The following CACNA2D3 variants were observed in gnomAD, a reference collection of about 807,000 sequenced individuals.
The protein encoded by CACNA2D3 is calcium voltage-gated channel auxiliary subunit alpha2delta 3, also known as voltage-dependent calcium channel subunit alpha-2/delta-3.
Under a neutral mutation model 160.6 loss-of-function variants are expected in CACNA2D3, and 60 were observed. The ratio of observed to expected loss-of-function variants is 0.37; its 90% CI spans 0.30 to 0.46. The LOEUF is 0.46. CACNA2D3 is among the 20% of genes least tolerant of loss of function. The probability of loss-of-function intolerance (pLI) is 1.00; values close to 1 mark genes in which losing one functional copy is unlikely to be tolerated. For synonymous variants in CACNA2D3, 558 were observed against 492.9 expected (o/e 1.13, Z -1.75); for missense variants, 1,205 against 1,365.0 (o/e 0.88, Z 1.85).
intron 24 of CACNA2D3, among the ~76,000 whole-genome samples, chr3:54,888,545 C>A (rs887186650): frequency 5.1e-4 from 78 of 152,130 alleles, no homozygotes; most frequent in African/African-American, 1.8e-3. Context: ...ATGAGAACTG[C>A]TTTAGCAGCT....
intron 14 of CACNA2D3, among the ~76,000 whole-genome samples, chr3:54,817,954 TA>T (rs1703494280): frequency 6.6e-6 from 1 of 152,198 alleles, no homozygotes; most frequent in East Asian, 1.9e-4. Context: ...CCAGGGTAAA[TA>T]AATGGTCAGA....
At chr3:54,260,522 G>A (rs1013655776) in intron 2 of CACNA2D3, among the ~76,000 whole-genome samples, 8 of 152,128 alleles carry the variant, frequency 5.3e-5, no homozygotes, top group South Asian at 4.2e-4. Flanking sequence ...TGAAGGTCCC[G>A]TCTTGATGAC....
In CACNA2D3 at chr3:54,460,522, A is replaced by T. The variant is rs148025910; in HGVS notation, c.382-42970A>T. Reference sequence around the variant, plus strand: ...TCTAAGTTGGAATCCTAGGTATTTTATTCTCTTTGAAGCAATTGTGAATGG... The same window carrying T: ...TCTAAGTTGGAATCCTAGGTATTTTTTTCTCTTTGAAGCAATTGTGAATGG... On this transcript the variant is annotated intron_variant, in intron 4 of 37. Transcript: ENST00000474759. Among the ~76,000 whole-genome samples the T allele has an allele frequency of 7.6e-3, 1,151 of 152,234 alleles. 12 individuals carry two copies. Among genetic ancestry groups the T allele is most frequent in the African/African-American group, 0.025 (1,048 of 41,542 alleles).
chr3:54,695,505 C>T (rs1029041152), intron 11 of CACNA2D3, among the ~76,000 whole-genome samples: 5 of 151,684 alleles, frequency 3.3e-5, no homozygotes, highest in Non-Finnish European at 7.4e-5. Flanking sequence ...GCTATGGATA[C>T]CTGTTTGCAA....
intron 5 of CACNA2D3, among the ~76,000 whole-genome samples, chr3:54,510,236 G>T (rs1273723011): frequency 6.6e-6 from 1 of 151,974 alleles, no homozygotes; most frequent in Non-Finnish European, 1.5e-5. Context: ...ATGGATGGAT[G>T]AATGGATGAA....
intron 2 of CACNA2D3, among the ~76,000 whole-genome samples, chr3:54,221,378 T>G (rs1281743505): frequency 6.6e-6 from 1 of 152,258 alleles, no homozygotes; most frequent in Non-Finnish European, 1.5e-5. Context: ...CTACTTTGGA[T>G]ATTTAAAGTT....
intron 2 of CACNA2D3, among the ~76,000 whole-genome samples, chr3:54,160,598 A>G (rs955980842): frequency 6.6e-6 from 1 of 152,340 alleles, no homozygotes; most frequent in African/African-American, 2.4e-5. Flanking sequence ...GATTTTTACT[A>G]TTGATCATTT....
chr3:54,234,777 A>G (rs1373603542), intron 2 of CACNA2D3, among the ~76,000 whole-genome samples: 1 of 152,184 alleles, frequency 6.6e-6, no homozygotes, highest in Admixed American at 6.5e-5. Context: ...CAGATACCAC[A>G]TGTTCTCACT....
At chr3:54,253,304 C>G (rs570648117) in intron 2 of CACNA2D3, among the ~76,000 whole-genome samples, 1 of 152,238 alleles carries the variant, frequency 6.6e-6, no homozygotes, top group African/African-American at 2.4e-5. Flanking sequence ...GTTTAATCGG[C>G]TTGTGCTTCT....
At chr3:54,204,796 G>GAAAAAAA (rs57129457) in intron 2 of CACNA2D3, among the ~76,000 whole-genome samples, 128 of 73,974 alleles carry the variant, frequency 1.7e-3, no homozygotes, top group Non-Finnish European at 2.5e-3. Flanking sequence ...ATGCTGTCTT[G>GAAAAAAA]AAAAAAAAAA....
chr3:54,862,315 A>G (rs7642067), intron 17 of CACNA2D3, among the ~76,000 whole-genome samples: 36,321 of 151,844 alleles, frequency 0.24, 5,122 homozygotes, highest in Middle Eastern at 0.33. Flanking sequence ...ATCTTCAACA[A>G]TTTTTAGCAG....
chr3:54,682,055 T>TG (rs1009520101), intron 11 of CACNA2D3, among the ~76,000 whole-genome samples: 2 of 151,676 alleles, frequency 1.3e-5, no homozygotes, highest in African/African-American at 2.4e-5. Context: ...AAAACAAATA[T>TG]GGGGGGGATT....
chr3:54,730,495 TCTTTCTTTCTTTC>T (rs974420481), intron 11 of CACNA2D3, among the ~76,000 whole-genome samples: 3 of 106,730 alleles, frequency 2.8e-5, no homozygotes, highest in African/African-American at 6.1e-5. Flanking sequence ...ACAGAATCTT[TCTTTCTTTCTTTC>T]CTTTCTTTCT....
chr3:54,805,883 C>T (rs1355632542), intron 13 of CACNA2D3, among the ~76,000 whole-genome samples: 1 of 152,138 alleles, frequency 6.6e-6, no homozygotes, highest in Non-Finnish European at 1.5e-5. Context: ...CCCTGGGATG[C>T]AAGGCTGGTT....
chr3:55,035,845 A>G (rs1333628231), intron 35 of CACNA2D3, among the ~76,000 whole-genome samples: 1 of 152,186 alleles, frequency 6.6e-6, no homozygotes, highest in Non-Finnish European at 1.5e-5. Flanking sequence ...CTATGGTTCT[A>G]TATGTTATGT....
rs144185119 is a variant in CACNA2D3 at position 54,822,451 on chromosome 3, G to A, written c.1398+5581G>A. On this transcript the variant is annotated intron_variant, in intron 14 of 37. Transcript: ENST00000474759. ...ATAGTTCTGTATGAGTGTGTCTGTG[G>A]CAGCCCAGACAGGCTGCTCTGCTGC... 8.4e-3 allele frequency among the ~76,000 whole-genome samples: 1,284 copies of A among 152,302 alleles called. 15 individuals are homozygous for A. The highest frequency in any genetic ancestry group is 0.028 in the African/African-American group (1,174 of 41,568).
At chr3:54,918,667 G>T (rs560316166) in intron 27 of CACNA2D3, 1 of 1,614,164 alleles carries the variant, frequency 6.2e-7, no homozygotes, top group South Asian at 1.1e-5. Context: ...GGCCGGCCTT[G>T]GCTTGGGTTT....
intron 3 of CACNA2D3, among the ~76,000 whole-genome samples, chr3:54,334,500 C>T (rs1276652423): frequency 6.6e-6 from 1 of 152,180 alleles, no homozygotes; most frequent in East Asian, 1.9e-4. Flanking sequence ...ACAGTGAGAT[C>T]TGAGGTTAGC....
At chr3:54,290,339 C>G (rs942007575) in intron 2 of CACNA2D3, among the ~76,000 whole-genome samples, 1 of 152,188 alleles carries the variant, frequency 6.6e-6, no homozygotes, top group Non-Finnish European at 1.5e-5. Context: ...CAGAGAAATA[C>G]AAATCAAAAC....
Sources: allele counts gnomAD v4.1 joint callset (sites outside exome capture counted in the v4.1 genomes callset), GRCh38; gene constraint gnomAD v4.1.1; transcripts MANE v1.5; gene names NCBI Gene and HGNC (gene_info 2026-07-23, HGNC 2026-07-21).